ENTPD8: variants seen among roughly 807,000 people sequenced by gnomAD.
ENTPD8 encodes the protein ectonucleoside triphosphate diphosphohydrolase 8.
ENTPD8 carries 35 observed loss-of-function variants against 47.0 expected under a neutral mutation model. That is an observed-to-expected ratio of 0.75 (90% CI 0.57 to 0.99). ENTPD8 has a LOEUF of 0.99. Among genes scored for constraint, ENTPD8 ranks in the 50% least tolerant of loss-of-function variants. ENTPD8 has a pLI of 0.00. For synonymous variants in ENTPD8, 308 were observed against 290.5 expected, an observed-to-expected ratio of 1.06 and a Z score of -0.61; for missense variants, 668 against 649.9, an observed-to-expected ratio of 1.03 and a Z score of -0.30.
chr9:137,439,568 C>T (rs956201246), intron 1 of ENTPD8, among the ~76,000 whole-genome samples: 3 of 152,078 alleles, frequency 2.0e-5, no homozygotes, highest in African/African-American at 2.4e-5. Context: ...TCTGTATGTC[C>T]GGGGGATATA....
At chr9:137,437,334 C>G (rs1839397822) in intron 3 of ENTPD8, 25 bp from the exon 4 acceptor site, 2 of 1,596,176 alleles carry the variant, frequency 1.3e-6, no homozygotes, top group East Asian at 4.5e-5. Context: ...GGGGACAGAG[C>G]TCCAGACCCC....
intron 8 of ENTPD8, 45 bp from the exon 9 acceptor site, chr9:137,435,383 CCA>C (rs1044474353): frequency 6.3e-7 from 1 of 1,586,410 alleles, no homozygotes; most frequent in Non-Finnish European, 8.6e-7. Flanking sequence ...CCCCTGATCC[CCA>C]GTCATGCGGG....
chr9:137,441,281 C>T lies in ENTPD8; in HGVS notation c.-21+5G>A, dbSNP rs1314602773. 2 of 279,638 alleles carry T rather than the reference C, an allele frequency of 7.2e-6. No homozygotes were observed. Among genetic ancestry groups the T allele is most frequent in the African/African-American group, 4.6e-5 (2 of 43,890 alleles). 17.3% of individuals were successfully genotyped at this position (279,638 alleles called of 1,614,324 possible). On this transcript the variant is annotated splice_donor_5th_base_variant and intron_variant, in intron 1 of 9. Coordinates refer to ENST00000371506, the MANE Select transcript of ENTPD8 (RefSeq NM_001033113.2). Reference sequence around the variant, plus strand: ...CCCCCCCAGGACATCCCTTTGGACCCTCACCTGGGCTGGCTGCCCACTTCC... The same window carrying T: ...CCCCCCCAGGACATCCCTTTGGACCTTCACCTGGGCTGGCTGCCCACTTCC...
Position 137,434,818 on chromosome 9 carries a change from A to G in ENTPD8, c.*96T>C. 8 of 1,405,746 alleles carry G rather than the reference A, an allele frequency of 5.7e-6. No individual in the cohort carries two copies. Among genetic ancestry groups the G allele is most frequent in the Non-Finnish European group, 7.5e-6 (8 of 1,064,156 alleles). The allele number at this position is 1,405,746 out of a possible 1,614,324, so 87.1% of individuals were successfully genotyped here. A position where few individuals can be genotyped will look rare whatever the true frequency, so the allele number is the denominator to read the frequency against. ...GTCACCTGACCGTGGGCAGAGCCAC[A>G]GAGCAAGGCCCCACGGCGCTCAGGG... On this transcript the variant is annotated 3_prime_UTR_variant, in exon 10 of 10. Coordinates refer to ENST00000371506, the MANE Select transcript of ENTPD8 (RefSeq NM_001033113.2).
Position 137,434,840 on chromosome 9 carries a change from A to G in ENTPD8, c.*74T>C. On this transcript the variant is annotated 3_prime_UTR_variant, in exon 10 of 10. Coordinates refer to ENST00000371506, the MANE Select transcript of ENTPD8 (RefSeq NM_001033113.2). ...CACAGAGCAAGGCCCCACGGCGCTC[A>G]GGGCTCAGGAAGCCTCCAGCATCCG... The G allele has an allele frequency of 6.8e-7, 1 of 1,472,164 alleles. No individual in the cohort carries two copies. The allele number at this position is 1,472,164 out of a possible 1,614,324, so 91.2% of individuals were successfully genotyped here.
Position 137,435,058 on chromosome 9 carries a change from C to A in ENTPD8, c.1344G>T (p.Leu448=). 6.2e-7 allele frequency: 1 copy of A among 1,612,272 alleles called. No homozygotes were observed. Among genetic ancestry groups the A allele is most frequent in the East Asian group, 2.2e-5 (1 of 44,864 alleles). Residue 448 remains leucine, a synonymous_variant, in exon 10 of 10, where the codon CTG becomes CTT. Coordinates refer to ENST00000371506, the MANE Select transcript of ENTPD8 (RefSeq NM_001033113.2). ...GCGCATCGGCCGGGATCATCCCGGT[C>A]AGGTTCAGCATGTAGCCCAGTGTCC... The part of the protein sequence containing the change: ...IGWTLGYMLN[L]TGMIPADAPA...
At chr9:137,436,423 A>G (rs1839359563) in intron 6 of ENTPD8, 98 bp downstream of exon 6, 1 of 1,324,338 alleles carries the variant, frequency 7.6e-7, no homozygotes, top group Non-Finnish European at 1.0e-6. Flanking sequence ...CCGCGCCCAT[A>G]CCCTGTGCCC....
intron 9 of ENTPD8, 34 bp downstream of exon 9, chr9:137,435,170 C>T: frequency 6.2e-7 from 1 of 1,602,912 alleles, no homozygotes. Flanking sequence ...CTGCCCACGC[C>T]CACGCCCCGC....
Position 137,436,269 on chromosome 9 carries a change from G to A in ENTPD8, c.794C>T (p.Pro265Leu), listed in dbSNP as rs559835333. The A allele has an allele frequency of 2.1e-5, 33 of 1,588,350 alleles. No homozygotes were observed. The highest frequency in any genetic ancestry group is 9.0e-5 in the East Asian group (4 of 44,516). ...RLLVGLVQSR[P>L]AALLRHPCYL... ...GCACGGGTGACGGAGCAGGGCAGCC[G>A]GGCGGCTCTGCAGAGGGCAGGGAGG... Residue 265 changes from proline to leucine, a missense_variant, in exon 7 of 10, where the codon CCG (proline) becomes CTG (leucine). Transcript: ENST00000371506.
Position 137,434,545 on chromosome 9 carries a change from C to T in ENTPD8, c.*369G>A, listed in dbSNP as rs1000306736. The stretch of plus-strand genomic sequence containing the variant: ...CAGCTCCCTCCCTTCCACCCCTCTC[C>T]GCCCCTCCTGAGGCCCCATCAGGAG... On this transcript the variant is annotated 3_prime_UTR_variant, in exon 10 of 10. Coordinates refer to ENST00000371506, the MANE Select transcript of ENTPD8 (RefSeq NM_001033113.2). The T allele has an allele frequency of 3.2e-5, 22 of 685,424 alleles. No homozygotes were observed. In the Admixed American group the frequency reaches 4.4e-4, roughly 14 times the overall value. The allele number at this position is 685,424 out of a possible 1,614,324, so 42.5% of individuals were successfully genotyped here.
rs773843842 is a variant in ENTPD8, at chr9:137,436,254, C to T, written c.809G>A (p.Arg270His). The T allele has an allele frequency of 3.9e-5, 63 of 1,599,468 alleles. No homozygotes were observed. The East Asian group carries it at 5.6e-4, about 14-fold the overall frequency. Residue 270 changes from arginine to histidine, a missense_variant, in exon 7 of 10, where the codon CGT becomes CAT. Coordinates refer to ENST00000371506, the MANE Select transcript of ENTPD8 (RefSeq NM_001033113.2). ...LVQSRPAALLRHPCYLSGYQT... is the reference protein window; with the variant it reads ...LVQSRPAALLHHPCYLSGYQT... ...GTAGCCGCTGAGGTAGCACGGGTGACGGAGCAGGGCAGCCGGGCGGCTCTG... is the reference window on the plus strand; with the variant it reads ...GTAGCCGCTGAGGTAGCACGGGTGATGGAGCAGGGCAGCCGGGCGGCTCTG...
intron 1 of ENTPD8, among the ~76,000 whole-genome samples, chr9:137,440,042 G>A (rs1275305474): frequency 3.1e-5 from 1 of 32,534 alleles, no homozygotes; most frequent in African/African-American, 1.5e-4. Context: ...CCCAGACCAG[G>A]ACACCCCCTC....
Position 137,438,809 on chromosome 9 carries a change from T to A in ENTPD8, c.-20-504A>T, listed in dbSNP as rs1021999724. 6.6e-6 allele frequency among the ~76,000 whole-genome samples: 1 copy of A among 151,902 alleles called. No individual in the cohort carries two copies. The highest frequency in any genetic ancestry group is 2.4e-5 in the African/African-American group (1 of 41,340). ...GTCTGGGGACACAGCCCCAGCAGGATCCAAGTAGCCCCCTCGGACCCCCTC... is the reference window on the plus strand; with the variant it reads ...GTCTGGGGACACAGCCCCAGCAGGAACCAAGTAGCCCCCTCGGACCCCCTC... On this transcript the variant is annotated intron_variant, in intron 1 of 9. Coordinates refer to ENST00000371506, the MANE Select transcript of ENTPD8 (RefSeq NM_001033113.2). The surrounding 1 kb of genome is among the most constrained non-coding windows in gnomAD (Gnocchi z 5.7).
intron 1 of ENTPD8, among the ~76,000 whole-genome samples, chr9:137,439,043 GC>G (rs1448909050): frequency 6.6e-6 from 1 of 152,106 alleles, no homozygotes; most frequent in African/African-American, 2.4e-5. Flanking sequence ...GGGGACTGTT[GC>G]CGAGGGGCTG....
chr9:137,439,776 C>G (rs1839468784), intron 1 of ENTPD8, among the ~76,000 whole-genome samples: 2 of 152,046 alleles, frequency 1.3e-5, no homozygotes, highest in African/African-American at 4.8e-5. Context: ...CAGGCCTGAG[C>G]CTCCAGGTAG....
At position 137,434,532 on chromosome 9, in the gene ENTPD8, TTC is replaced by T; in HGVS notation, c.*380_*381del. The T allele has an allele frequency of 2.7e-6, 2 of 747,158 alleles. No individual in the cohort carries two copies. The highest frequency in any genetic ancestry group is 5.5e-5 in the East Asian group (2 of 36,402). The allele number at this position is 747,158 out of a possible 1,614,324, so 46.3% of individuals were successfully genotyped here. ...GGTCCAGGTGGGGCAGCTCCCTCCCTTCCACCCCTCTCCGCCCCTCCTGAGGC... is the reference window on the plus strand; with the variant it reads ...GGTCCAGGTGGGGCAGCTCCCTCCCTCACCCCTCTCCGCCCCTCCTGAGGC... On this transcript the variant is annotated 3_prime_UTR_variant, in exon 10 of 10. Transcript: ENST00000371506.
intron 8 of ENTPD8, 110 bp from the exon 9 acceptor site, chr9:137,435,448 C>T (rs1029419862): frequency 2.7e-5 from 40 of 1,477,898 alleles, no homozygotes; most frequent in East Asian, 9.5e-5. Context: ...AAGAGGGTGC[C>T]GGGCAGTGGT....
In ENTPD8 at chr9:137,438,169, T is replaced by C; in HGVS notation, c.117A>G (p.Thr39=). The change falls in exon 2 of 10, where the codon ACA becomes ACG. Residue 39 remains threonine (T), a synonymous_variant. Transcript: ENST00000371506. The surrounding 1 kb of genome is among the most constrained non-coding windows in gnomAD (Gnocchi z 5.7). ...GCCGGCGGGGACGCACCTTGATGTCTGTGGGCAGGAGCACGCTGGTGGCCT... is the reference window on the plus strand; with the variant it reads ...GCCGGCGGGGACGCACCTTGATGTCCGTGGGCAGGAGCACGCTGGTGGCCT... The part of the protein sequence containing the change: ...LVEATSVLLP[T]DIKFGIVFDA... The C allele has an allele frequency of 6.2e-7, 1 of 1,609,832 alleles. No homozygotes were observed. The highest frequency in any genetic ancestry group is 8.5e-7 in the Non-Finnish European group (1 of 1,178,284).
rs1280502845 is a variant in ENTPD8, at chr9:137,438,495, T to G, written c.-20-190A>C. Reference sequence around the variant, plus strand: ...TCCCCGGGGCTCAGACGGTCTCCCGTGGCCTTAGAGGCATCTCCGGGGCTC... The same window carrying G: ...TCCCCGGGGCTCAGACGGTCTCCCGGGGCCTTAGAGGCATCTCCGGGGCTC... On this transcript the variant is annotated intron_variant, in intron 1 of 9. Transcript: ENST00000371506. This position sits in a 1 kb window ranked among gnomAD's most constrained non-coding sequence, Gnocchi z 5.7. Among the ~76,000 whole-genome samples the G allele has an allele frequency of 6.7e-6, 1 of 149,324 alleles. No homozygotes were observed. The highest frequency in any genetic ancestry group is 1.5e-5 in the Non-Finnish European group (1 of 67,304).
Sources: allele counts gnomAD v4.1 joint callset (sites outside exome capture counted in the v4.1 genomes callset), GRCh38; gene constraint gnomAD v4.1.1; non-coding constraint Gnocchi (gnomAD v3.1); transcripts MANE v1.5; gene names NCBI Gene and HGNC (gene_info 2026-07-23, HGNC 2026-07-21).